The following ARHGAP10 variants were observed in gnomAD, a reference collection of about 807,000 sequenced individuals.
ARHGAP10 encodes Rho GTPase activating protein 10.
A neutral mutation model predicts 108.6 loss-of-function variants in ARHGAP10; 87 were observed. That is an observed-to-expected ratio of 0.80 (90% confidence interval 0.67 to 0.96). The LOEUF (loss-of-function observed/expected upper bound fraction) is 0.96. Ranked by LOEUF, ARHGAP10 falls within the 40% of genes least tolerant of loss-of-function variation. The pLI, the probability that ARHGAP10 is intolerant of heterozygous loss-of-function variation, is 0.00. For synonymous variants in ARHGAP10, 347 were observed against 341.1 expected, an observed-to-expected ratio of 1.02 and a Z score of -0.19; for missense variants, 939 against 954.5, an observed-to-expected ratio of 0.98 and a Z score of 0.21.
chr4:147,922,428 G>A (rs1391204858), intron 13 of ARHGAP10, among the ~76,000 whole-genome samples: 3 of 151,322 alleles, frequency 2.0e-5, no homozygotes, highest in Non-Finnish European at 2.9e-5. Flanking sequence ...GGTGGCTCAC[G>A]CCTGTAATCC....
At chr4:147,904,069 C>T (rs2126905037) in intron 10 of ARHGAP10, among the ~76,000 whole-genome samples, 1 of 152,226 alleles carries the variant, frequency 6.6e-6, no homozygotes, top group African/African-American at 2.4e-5. Context: ...TTTGCATTGC[C>T]ACCAGCAATG....
At chr4:148,032,800 G>A (rs773941097) in intron 19 of ARHGAP10, among the ~76,000 whole-genome samples, 44 of 151,916 alleles carry the variant, frequency 2.9e-4, no homozygotes, top group Admixed American at 5.2e-4. Flanking sequence ...AAGCCCACTG[G>A]TGTAAGTCCA....
At chr4:147,901,261 C>T (rs1736224350) in intron 10 of ARHGAP10, among the ~76,000 whole-genome samples, 1 of 152,172 alleles carries the variant, frequency 6.6e-6, no homozygotes, top group South Asian at 2.1e-4. Flanking sequence ...TACACTAATA[C>T]TTTAGAGGCA....
At chr4:148,062,372 C>A (rs987147540) in intron 20 of ARHGAP10, among the ~76,000 whole-genome samples, 2 of 152,146 alleles carry the variant, frequency 1.3e-5, no homozygotes, top group Non-Finnish European at 2.9e-5. Flanking sequence ...TGAAGAGCAC[C>A]TGGGTGCTGC....
intron 10 of ARHGAP10, among the ~76,000 whole-genome samples, chr4:147,892,283 G>C (rs894017680): frequency 2.0e-5 from 3 of 152,124 alleles, no homozygotes; most frequent in African/African-American, 7.2e-5. Context: ...ATGCTGTACC[G>C]TTTCTCAATT....
chr4:147,738,414 G>C (rs925987179), intron 1 of ARHGAP10, among the ~76,000 whole-genome samples: 1 of 152,108 alleles, frequency 6.6e-6, no homozygotes, highest in African/African-American at 2.4e-5. Flanking sequence ...TTAGCCGGGC[G>C]TAGTGGAGGG....
chr4:147,788,281 TTAAAAA>T (rs1335647444), intron 1 of ARHGAP10, among the ~76,000 whole-genome samples: 3 of 151,718 alleles, frequency 2.0e-5, no homozygotes, highest in Non-Finnish European at 4.4e-5. Context: ...CCTGTCTCTA[TTAAAAA>T]TAAAAAAAAA....
intron 7 of ARHGAP10, among the ~76,000 whole-genome samples, 169 bp downstream of exon 7, chr4:147,866,985 A>G (rs1016155645): frequency 6.6e-6 from 1 of 152,170 alleles, no homozygotes; most frequent in Non-Finnish European, 1.5e-5. Flanking sequence ...CAACTGCTCT[A>G]CAGTTGGTTG....
At chr4:147,938,045 G>T (rs1366147546) in intron 13 of ARHGAP10, among the ~76,000 whole-genome samples, 1 of 152,172 alleles carries the variant, frequency 6.6e-6, no homozygotes, top group Non-Finnish European at 1.5e-5. Context: ...AAGGAACGAG[G>T]ATCATGTCCT....
intron 20 of ARHGAP10, among the ~76,000 whole-genome samples, chr4:148,052,339 T>TAA (rs540156426): frequency 0.066 from 6,916 of 104,926 alleles, 784 homozygotes; most frequent in African/African-American, 0.23. Context: ...TCTGATTATG[T>TAA]AAAAAAAAAA....
intron 9 of ARHGAP10, among the ~76,000 whole-genome samples, chr4:147,880,124 G>A (rs1735267565): frequency 6.6e-6 from 1 of 152,312 alleles, no homozygotes; most frequent in South Asian, 2.1e-4. Context: ...ATCTTTATAT[G>A]TATTTTAAAT....
chr4:148,039,332 AT>A (rs1028335554), intron 19 of ARHGAP10, among the ~76,000 whole-genome samples: 1 of 117,354 alleles, frequency 8.5e-6, no homozygotes, highest in Admixed American at 8.9e-5. Flanking sequence ...CTCTGCTCAA[AT>A]TTTTTTTCTT....
At chr4:147,817,601 C>T (rs1280225472) in intron 1 of ARHGAP10, among the ~76,000 whole-genome samples, 4 of 152,202 alleles carry the variant, frequency 2.6e-5, no homozygotes, top group Admixed American at 1.3e-4. Flanking sequence ...CCTCATCTCT[C>T]AAACTGCTCC....
At chr4:148,063,686 GAGGAC>G (rs1729727556) in intron 21 of ARHGAP10, among the ~76,000 whole-genome samples, 1 of 152,246 alleles carries the variant, frequency 6.6e-6, no homozygotes, top group African/African-American at 2.4e-5. Flanking sequence ...CAAGTCCATA[GAGGAC>G]AGAGCTGCTG....
chr4:148,025,157 C>T (rs532411859), intron 19 of ARHGAP10, among the ~76,000 whole-genome samples: 5 of 152,264 alleles, frequency 3.3e-5, no homozygotes, highest in African/African-American at 1.2e-4. Flanking sequence ...TATGGGAACA[C>T]TCAAGCTAGT....
At chr4:148,015,961 C>T (rs1177267080) in intron 18 of ARHGAP10, among the ~76,000 whole-genome samples, 6 of 152,126 alleles carry the variant, frequency 3.9e-5, no homozygotes, top group Admixed American at 6.5e-5. Flanking sequence ...ACAGAGGACA[C>T]ACTGTGAATG....
intron 1 of ARHGAP10, among the ~76,000 whole-genome samples, chr4:147,814,853 A>G (rs1397069854): frequency 1.3e-5 from 2 of 152,148 alleles, no homozygotes; most frequent in Admixed American, 6.6e-5. Context: ...TAAAGACCCT[A>G]GTTCCAAATA....
intron 3 of ARHGAP10, among the ~76,000 whole-genome samples, chr4:147,831,255 T>C (rs769209133): frequency 1.3e-5 from 2 of 152,218 alleles, no homozygotes; most frequent in Non-Finnish European, 2.9e-5. Flanking sequence ...GAGGTTAAAA[T>C]AGTGATGGAA....
intron 15 of ARHGAP10, among the ~76,000 whole-genome samples, chr4:147,953,357 A>G (rs1270162157): frequency 6.6e-6 from 1 of 151,862 alleles, no homozygotes; most frequent in African/African-American, 2.4e-5. Flanking sequence ...TTTCTTTCTT[A>G]ATTGTTTGGT....
Sources: gnomAD v4.1 joint callset for allele counts (sites outside exome capture counted in the v4.1 genomes callset) on GRCh38, gnomAD v4.1.1 for gene constraint, MANE v1.5 for transcripts, NCBI Gene and HGNC (gene_info 2026-07-23, HGNC 2026-07-21) for gene names.